The following PRDM5 variants were observed in gnomAD, a reference collection of about 807,000 sequenced individuals.
PRDM5 encodes PR/SET domain 5, also known as PR domain zinc finger protein 5.
PRDM5 carries 56 observed loss-of-function variants against 81.2 expected under a neutral mutation model. That is an observed-to-expected ratio of 0.69 (90% CI 0.56 to 0.86). PRDM5 has a LOEUF of 0.86. Among genes scored for constraint, PRDM5 ranks in the 40% least tolerant of loss-of-function variants. The pLI, the probability that PRDM5 is intolerant of heterozygous loss-of-function variation, is 0.00. For missense variants in PRDM5, 697 were observed against 770.1 expected (o/e 0.91, Z 1.12); for synonymous variants, 267 against 256.4 (o/e 1.04, Z -0.39).
At chr4:120,706,887 G>T (rs1313768053) in intron 15 of PRDM5, among the ~76,000 whole-genome samples, 1 of 151,012 alleles carries the variant, frequency 6.6e-6, no homozygotes, top group African/African-American at 2.4e-5. Context: ...TGAAGAAATA[G>T]AAAAATTAAA....
At chr4:120,739,230 G>T (rs1741546397) in intron 14 of PRDM5, among the ~76,000 whole-genome samples, 1 of 152,146 alleles carries the variant, frequency 6.6e-6, no homozygotes, top group South Asian at 2.1e-4. Context: ...CACTTCTGCT[G>T]TATTCTATTA....
chr4:120,742,673 G>T (rs1477276564), intron 14 of PRDM5, among the ~76,000 whole-genome samples: 2 of 152,168 alleles, frequency 1.3e-5, no homozygotes, highest in Non-Finnish European at 2.9e-5. Flanking sequence ...GGAAGAAAGG[G>T]TATCAGCAAT....
chr4:120,861,126 G>T (rs1306622437), intron 2 of PRDM5, among the ~76,000 whole-genome samples: 1 of 152,132 alleles, frequency 6.6e-6, no homozygotes, highest in East Asian at 1.9e-4. Context: ...TCCAGCCTCA[G>T]CCTCCCGAGT....
intron 1 of PRDM5, among the ~76,000 whole-genome samples, chr4:120,919,846 C>G (rs1467103026): frequency 6.6e-6 from 1 of 152,092 alleles, no homozygotes; most frequent in Non-Finnish European, 1.5e-5. Context: ...ATTAGCAAAT[C>G]ACAATGTGTA....
At chr4:120,731,490 T>C (rs954826248) in intron 14 of PRDM5, 1 of 152,076 alleles carries the variant, frequency 6.6e-6, no homozygotes, top group Non-Finnish European at 1.5e-5. Flanking sequence ...TGGTATAATT[T>C]TGGGCTGGCA....
At chr4:120,728,875 G>A (rs1739835556) in intron 14 of PRDM5, among the ~76,000 whole-genome samples, 2 of 152,288 alleles carry the variant, frequency 1.3e-5, no homozygotes, top group Admixed American at 1.3e-4. Flanking sequence ...ATCCAAATGT[G>A]TGATAAAGAA....
chr4:120,732,802 T>G (rs966747126), intron 14 of PRDM5, among the ~76,000 whole-genome samples: 1 of 152,218 alleles, frequency 6.6e-6, no homozygotes, highest in Admixed American at 6.5e-5. Context: ...CTGCTATAAC[T>G]AGCTATACCC....
At position 120,695,036 on chromosome 4, in the gene PRDM5, T is replaced by C. The variant is rs1215013616; in HGVS notation, c.*75A>G. On this transcript the variant is annotated 3_prime_UTR_variant, in exon 16 of 16. Transcript: ENST00000264808. ...AAGTCACTTTTGGCTACTTCTGTTATGCTGATCAGGTGATAAAAATCTGGG... is the reference window on the plus strand; with the variant it reads ...AAGTCACTTTTGGCTACTTCTGTTACGCTGATCAGGTGATAAAAATCTGGG... 3.3e-6 allele frequency: 5 copies of C among 1,521,832 alleles called. No homozygotes were observed. The highest frequency in any genetic ancestry group is 4.5e-6 in the Non-Finnish European group (5 of 1,098,996). The allele number at this position is 1,521,832 out of a possible 1,614,324, so 94.3% of individuals were successfully genotyped here. A position where few individuals can be genotyped will look rare whatever the true frequency, so the allele number is the denominator to read the frequency against.
At position 120,699,179 on chromosome 4, in the gene PRDM5, TA is replaced by T. The variant is rs1272265772; in HGVS notation, c.1729-3905del. Among the ~76,000 whole-genome samples, 226 of 110,826 alleles carry T rather than the reference TA, an allele frequency of 2.0e-3. 5 individuals are homozygous for T. Among genetic ancestry groups the T allele is most frequent in the Middle Eastern group, 0.015 (3 of 194 alleles). 72.7% of individuals were successfully genotyped at this position (110,826 alleles called of 152,430 possible). A position where few individuals can be genotyped will look rare whatever the true frequency, so the allele number is the denominator to read the frequency against. ...AAATATAAATATATATATATATATA[TA>T]TATATATATATATATATATATATAT... On this transcript the variant is annotated intron_variant, in intron 15 of 15. Transcript: ENST00000264808.
intron 15 of PRDM5, 52 bp downstream of exon 15, chr4:120,710,255 ACC>A: frequency 7.0e-7 from 1 of 1,418,770 alleles, no homozygotes; most frequent in Non-Finnish European, 9.9e-7. Flanking sequence ...ACACACACAC[ACC>A]CCTACTTTCT....
rs757433292 is a variant in PRDM5, at chr4:120,781,180, G to A, written c.1406C>T (p.Ala469Val). 28 of 1,613,098 alleles carry A rather than the reference G, an allele frequency of 1.7e-5. No homozygotes were observed. The highest frequency in any genetic ancestry group is 3.3e-5 in the Admixed American group (2 of 59,928). Reference protein sequence around the residue: ...KKYRCELCNKAFVTPSVLRSH... With the variant: ...KKYRCELCNKVFVTPSVLRSH... ...TCTAAGCACTGAAGGTGTAACAAAG[G>A]CCTTATTACATAGCTCACACCTATA... Residue 469 changes from alanine to valine, a missense_variant, in exon 12 of 16, where the codon GCC (alanine) becomes GTC (valine). Ala to Val is a moderately conservative substitution (Grantham distance 64, BLOSUM62 0). Transcript: ENST00000264808.
rs575125940 is a variant in PRDM5 at position 120,877,799 on chromosome 4, C to T, written c.178-24259G>A. ...CAGCCTGGGTGACAAAGCAAGACTC[C>T]GTCTCAAAAATAAATAAATAAACAA... On this transcript the variant is annotated intron_variant, in intron 2 of 15. Coordinates refer to ENST00000264808, the MANE Select transcript of PRDM5 (RefSeq NM_018699.4). 9.2e-5 allele frequency among the ~76,000 whole-genome samples: 14 copies of T among 152,146 alleles called. No individual in the cohort carries two copies. The South Asian group carries it at 1.7e-3, about 18-fold the overall frequency.
chr4:120,738,054 A>G (rs1356815645), intron 14 of PRDM5, among the ~76,000 whole-genome samples: 2 of 152,246 alleles, frequency 1.3e-5, no homozygotes, highest in Non-Finnish European at 2.9e-5. Context: ...AATTATAAAA[A>G]TAAGTTTTCT....
At chr4:120,729,072 T>C (rs1739872898) in intron 14 of PRDM5, among the ~76,000 whole-genome samples, 2 of 152,104 alleles carry the variant, frequency 1.3e-5, no homozygotes, top group South Asian at 2.1e-4. Context: ...TGACACAGTG[T>C]ATAGAGATGA....
chr4:120,728,224 C>T (rs1373689111), intron 14 of PRDM5, among the ~76,000 whole-genome samples: 4 of 151,940 alleles, frequency 2.6e-5, no homozygotes, highest in African/African-American at 9.7e-5. Flanking sequence ...CACAAGCAAT[C>T]AGCACCATCA....
intron 2 of PRDM5, among the ~76,000 whole-genome samples, chr4:120,872,150 C>CAAAAAAAAAAA (rs70948365): frequency 1.2e-4 from 5 of 41,836 alleles, no homozygotes; most frequent in Non-Finnish European, 1.6e-4. Flanking sequence ...GACTCCATCT[C>CAAAAAAAAAAA]AAAAAAAAAA....
intron 14 of PRDM5, among the ~76,000 whole-genome samples, chr4:120,747,131 G>T (rs1300912188): frequency 6.7e-6 from 1 of 150,360 alleles, no homozygotes; most frequent in Non-Finnish European, 1.5e-5. Context: ...CATGTCCTTT[G>T]TAGGGACATG....
At chr4:120,874,854 A>G (rs1762185787) in intron 2 of PRDM5, among the ~76,000 whole-genome samples, 1 of 152,148 alleles carries the variant, frequency 6.6e-6, no homozygotes, top group Non-Finnish European at 1.5e-5. Context: ...CTCTGACAGG[A>G]AGTATATGTG....
intron 10 of PRDM5, 98 bp downstream of exon 10, chr4:120,798,169 C>T (rs1459963476): frequency 1.5e-5 from 13 of 876,862 alleles, no homozygotes; most frequent in Non-Finnish European, 2.2e-5. Flanking sequence ...GCATTATATA[C>T]AGTAGGCCCC....
Sources: allele counts gnomAD v4.1 joint callset (sites outside exome capture counted in the v4.1 genomes callset), GRCh38; gene constraint gnomAD v4.1.1; transcripts MANE v1.5; gene names NCBI Gene and HGNC (gene_info 2026-07-23, HGNC 2026-07-21).